The following SCAI variants were observed in gnomAD, a reference collection of about 807,000 sequenced individuals.
SCAI encodes the protein protein SCAI.
A neutral mutation model predicts 92.2 loss-of-function variants in SCAI; 24 were observed. The observed-to-expected ratio is 0.26, with a 90% CI of 0.19 to 0.37. The LOEUF is 0.37. Among genes scored for constraint, SCAI ranks in the 10% least tolerant of loss-of-function variants. SCAI has a pLI of 1.00. For synonymous variants in SCAI, 261 were observed against 258.6 expected, an observed-to-expected ratio of 1.01 and a Z score of -0.09; for missense variants, 450 against 736.2, an observed-to-expected ratio of 0.61 and a Z score of 4.50.
At chr9:125,089,670 T>G (rs1834389892) in intron 2 of SCAI, among the ~76,000 whole-genome samples, 1 of 151,632 alleles carries the variant, frequency 6.6e-6, no homozygotes, top group Non-Finnish European at 1.5e-5. Context: ...AGCTGGGTTT[T>G]TTTTTGGTTT....
Position 124,989,221 on chromosome 9 carries a change from C to T in SCAI, c.1326+5713G>A, listed in dbSNP as rs192323816. Among the ~76,000 whole-genome samples, 280 of 152,238 alleles carry T rather than the reference C, an allele frequency of 1.8e-3. 1 individual carries two copies. Among genetic ancestry groups the T allele is most frequent in the African/African-American group, 6.3e-3 (262 of 41,540 alleles). On this transcript the variant is annotated intron_variant, in intron 14 of 17. Coordinates refer to ENST00000336505, the MANE Select transcript of SCAI (RefSeq NM_001144877.3). ...CTAAGAAGAAAGAGAAGATTCTATA[C>T]GTTTCCAGACACTGAAAATGTGTTG...
chr9:124,959,523 C>CATAT (rs1288996904), intron 17 of SCAI, among the ~76,000 whole-genome samples: 1,450 of 144,874 alleles, frequency 0.01, 73 homozygotes, highest in Admixed American at 0.073. Flanking sequence ...TATATACACA[C>CATAT]ATATATATAC....
At chr9:125,049,801 C>G (rs924324705) in intron 3 of SCAI, among the ~76,000 whole-genome samples, 1 of 152,076 alleles carries the variant, frequency 6.6e-6, no homozygotes, top group Non-Finnish European at 1.5e-5. Flanking sequence ...AAATCTGAAA[C>G]CTTTCATGCA....
rs200582107 is a variant in SCAI, at chr9:124,976,089, T to C, written c.1399+25A>G. ...ATAGTGTTTATTTGCAACCTATGGCTATACCAGGCAATGAGGGTACATACC... is the reference window on the plus strand; with the variant it reads ...ATAGTGTTTATTTGCAACCTATGGCCATACCAGGCAATGAGGGTACATACC... On this transcript the variant is annotated intron_variant, in intron 15 of 17. Coordinates refer to ENST00000336505, the MANE Select transcript of SCAI (RefSeq NM_001144877.3). 233 of 1,487,428 alleles carry C rather than the reference T, an allele frequency of 1.6e-4. No homozygotes were observed. In the African/African-American group the frequency reaches 3.0e-3, roughly 19 times the overall value. 92.1% of individuals were successfully genotyped at this position (1,487,428 alleles called of 1,614,324 possible).
At chr9:125,004,787 T>TC in intron 9 of SCAI, among the ~76,000 whole-genome samples, 1 of 73,212 alleles carries the variant, frequency 1.4e-5, no homozygotes, top group Non-Finnish European at 2.7e-5. Context: ...ATATTTTTTT[T>TC]TTTTTTTTTT....
chr9:125,029,517 T>G, intron 4 of SCAI, 127 bp downstream of exon 4: 1 of 518,080 alleles, frequency 1.9e-6, no homozygotes, highest in African/African-American at 1.9e-5. Flanking sequence ...CACCAAGATT[T>G]ACCTTTGCTT....
intron 1 of SCAI, 73 bp downstream of exon 1, chr9:125,143,312 G>A (rs1428565527): frequency 9.8e-5 from 58 of 592,570 alleles, no homozygotes; most frequent in Non-Finnish European, 1.2e-4. Flanking sequence ...CCACCGCCCC[G>A]AGCCGCTGCC....
chr9:125,023,956 AAG>A (rs1832916871), intron 6 of SCAI, among the ~76,000 whole-genome samples: 1 of 152,076 alleles, frequency 6.6e-6, no homozygotes, highest in African/African-American at 2.4e-5. Context: ...CTGCAGAAAA[AAG>A]AGTGTGACTC....
At chr9:125,003,826 T>C in intron 9 of SCAI, 5 of 407,268 alleles carry the variant, frequency 1.2e-5, no homozygotes, top group South Asian at 6.7e-5. Context: ...TCTCCAGCCA[T>C]ATACATGTTT....
At chr9:125,095,957 G>A (rs1834543121) in intron 2 of SCAI, among the ~76,000 whole-genome samples, 1 of 152,202 alleles carries the variant, frequency 6.6e-6, no homozygotes, top group African/African-American at 2.4e-5. Flanking sequence ...TACAACTGCT[G>A]TCAGTGCTCT....
At chr9:125,109,822 G>C (rs553602997) in intron 2 of SCAI, among the ~76,000 whole-genome samples, 1 of 152,234 alleles carries the variant, frequency 6.6e-6, no homozygotes, top group East Asian at 1.9e-4. Context: ...AAGTAGGTGA[G>C]ATTACAGGCA....
At chr9:125,083,918 C>T (rs1024373185) in intron 2 of SCAI, among the ~76,000 whole-genome samples, 4 of 152,060 alleles carry the variant, frequency 2.6e-5, no homozygotes, top group African/African-American at 7.2e-5. Flanking sequence ...GAGGGTGATA[C>T]TTTCACTGGA....
intron 14 of SCAI, among the ~76,000 whole-genome samples, chr9:124,979,649 T>G (rs558254971): frequency 1.2e-4 from 19 of 152,264 alleles, no homozygotes; most frequent in Non-Finnish European, 2.9e-5. Context: ...TAGGGAGAGA[T>G]AGGAATTTAG....
At chr9:125,137,891 C>T (rs998242118) in intron 2 of SCAI, among the ~76,000 whole-genome samples, 1 of 152,182 alleles carries the variant, frequency 6.6e-6, no homozygotes, top group African/African-American at 2.4e-5. Context: ...TGTGAGCCAC[C>T]ACGCTTGGCC....
rs575158261 is a variant in SCAI, at chr9:125,065,345, T to C, written c.99-9338A>G. The stretch of plus-strand genomic sequence containing the variant: ...CATCAACGTGAACATTTAAGTAAAA[T>C]AGACAAACACTGAGAAAAACACTTT... On this transcript the variant is annotated intron_variant, in intron 2 of 17. Coordinates refer to ENST00000336505, the MANE Select transcript of SCAI (RefSeq NM_001144877.3). Among the ~76,000 whole-genome samples, 35 of 152,166 alleles carry C rather than the reference T, an allele frequency of 2.3e-4. 1 individual carries two copies. The highest frequency in any genetic ancestry group is 3.2e-4 in the Non-Finnish European group (22 of 67,978).
chr9:124,997,195 C>T (rs766352987), intron 13 of SCAI, among the ~76,000 whole-genome samples: 2 of 152,158 alleles, frequency 1.3e-5, no homozygotes, highest in Non-Finnish European at 2.9e-5. Context: ...CAACACGATG[C>T]CACAAGTAGA....
At chr9:125,077,732 T>G (rs1834120929) in intron 2 of SCAI, among the ~76,000 whole-genome samples, 1 of 151,810 alleles carries the variant, frequency 6.6e-6, no homozygotes, top group Admixed American at 6.6e-5. Context: ...TATTTATTTA[T>G]TTTTGAGATG....
chr9:124,998,491 T>G (rs1588141686), intron 13 of SCAI, among the ~76,000 whole-genome samples: 1 of 150,864 alleles, frequency 6.6e-6, no homozygotes, highest in South Asian at 2.1e-4. Context: ...TTGGGAAGGG[T>G]AGGGGAACGG....
In SCAI at chr9:125,001,985, G is replaced by A; in HGVS notation, c.1124C>T (p.Thr375Ile). The change falls in exon 12 of 18, where the codon ACA (threonine) becomes ATA (isoleucine). Residue 375 changes from threonine to isoleucine, a missense_variant. By Grantham distance (89) the Thr-to-Ile change is moderately conservative. Transcript: ENST00000336505. ...TGTACCTTCACTATCAGAACGACCT[G>A]TGGGGAAAACGCCAGTGGCCGACAG... is the stretch of plus-strand genomic sequence containing the variant. ...IYLSATGVFPTGRSDSEGPYD... is the reference protein window; with the variant it reads ...IYLSATGVFPIGRSDSEGPYD... 6.2e-7 allele frequency: 1 copy of A among 1,613,140 alleles called. No individual in the cohort carries two copies. The highest frequency in any genetic ancestry group is 8.5e-7 in the Non-Finnish European group (1 of 1,179,082).
Sources: gnomAD v4.1 joint callset for allele counts (sites outside exome capture counted in the v4.1 genomes callset) on GRCh38, gnomAD v4.1.1 for gene constraint, MANE v1.5 for transcripts, NCBI Gene and HGNC (gene_info 2026-07-23, HGNC 2026-07-21) for gene names.